Variants in PCGF6 observed in about 807,000 individuals in gnomAD.
The protein encoded by PCGF6 is polycomb group RING finger protein 6.
A neutral mutation model predicts 45.5 loss-of-function variants in PCGF6; 24 were observed. The observed-to-expected ratio is 0.53, with a 90% confidence interval of 0.38 to 0.74. The LOEUF is 0.74. Among genes scored for constraint, PCGF6 ranks in the 30% least tolerant of loss-of-function variants. The probability of loss-of-function intolerance (pLI) is 0.00; values close to 1 mark genes in which losing one functional copy is unlikely to be tolerated. For missense variants in PCGF6, 356 were observed against 443.2 expected (o/e 0.80, Z 1.77); for synonymous variants, 152 against 162.1 (o/e 0.94, Z 0.47).
chr10:103,324,146 C>T (rs2093207983), intron 8 of PCGF6, among the ~76,000 whole-genome samples: 3 of 150,970 alleles, frequency 2.0e-5, no homozygotes, highest in Admixed American at 2.0e-4. Flanking sequence ...ACCGTGTTGG[C>T]CAGGCTGGTC....
chr10:103,321,837 A>G (rs529769767), intron 8 of PCGF6, among the ~76,000 whole-genome samples: 1 of 152,240 alleles, frequency 6.6e-6, no homozygotes, highest in East Asian at 1.9e-4. Flanking sequence ...CCATCCCACA[A>G]TGTATACATA....
intron 8 of PCGF6, among the ~76,000 whole-genome samples, chr10:103,325,284 C>T (rs1412836120): frequency 6.6e-6 from 1 of 152,050 alleles, no homozygotes. Flanking sequence ...GACGGAGTCT[C>T]GCTCTGTCGT....
At chr10:103,349,050 ATTCT>A (rs752609361) in intron 1 of PCGF6, 51 bp from the exon 2 acceptor site, 1 of 1,484,322 alleles carries the variant, frequency 6.7e-7, no homozygotes, top group South Asian at 1.2e-5. Context: ...CCTTTTACAA[ATTCT>A]TTTTTTTTTT....
At chr10:103,347,677 T>G (rs559458682) in intron 3 of PCGF6, among the ~76,000 whole-genome samples, 6 of 152,232 alleles carry the variant, frequency 3.9e-5, no homozygotes, top group African/African-American at 1.4e-4. Context: ...ACTAAACTGT[T>G]TCATGTGCAT....
At chr10:103,314,623 A>C (rs574594647) in intron 8 of PCGF6, among the ~76,000 whole-genome samples, 5 of 152,332 alleles carry the variant, frequency 3.3e-5, no homozygotes, top group African/African-American at 1.2e-4. Flanking sequence ...ATCAGGTAGC[A>C]AAGGAAAGTA....
chr10:103,350,718 C>T lies in PCGF6; in HGVS notation c.349G>A (p.Asp117Asn), dbSNP rs1395408988. The change falls in exon 1 of 10, where the codon GAC becomes AAC. Residue 117 changes from aspartate to asparagine, a missense_variant. Physicochemically the swap from Asp to Asn is conservative, Grantham distance 23. Around this residue, in one of 2 missense-constraint regions of PCGF6, gnomAD observed 307 missense variants for 350.1 expected, o/e 0.88. Coordinates refer to ENST00000369847, the MANE Select transcript of PCGF6 (RefSeq NM_001011663.2). ...RLEGGRQDSE[D>N]EEERLINLSE... ...GGGGCTCTAAATACCTCCTCCTCGT[C>T]CTCCGAGTCCTGCCGGCCTCCCTCC... The T allele has an allele frequency of 3.3e-6, 5 of 1,532,184 alleles. No homozygotes were observed. Among genetic ancestry groups the T allele is most frequent in the African/African-American group, 1.4e-5 (1 of 71,450 alleles). 94.9% of individuals were successfully genotyped at this position (1,532,184 alleles called of 1,614,324 possible).
chr10:103,340,180 GAAAA>G (rs58312332), intron 6 of PCGF6, among the ~76,000 whole-genome samples: 8,657 of 71,888 alleles, frequency 0.12, 530 homozygotes, highest in East Asian at 0.28. Flanking sequence ...CTGTCTCAGG[GAAAA>G]AAAAAAAAAA....
intron 6 of PCGF6, among the ~76,000 whole-genome samples, chr10:103,344,562 C>G (rs909178604): frequency 6.6e-6 from 1 of 151,670 alleles, no homozygotes; most frequent in Non-Finnish European, 1.5e-5. Flanking sequence ...GCCACCATGC[C>G]CAGCCTTTTT....
At chr10:103,332,852 C>T (rs771121683) in intron 7 of PCGF6, among the ~76,000 whole-genome samples, 1 of 152,114 alleles carries the variant, frequency 6.6e-6, no homozygotes, top group Non-Finnish European at 1.5e-5. Flanking sequence ...CAGTGGCTCA[C>T]ACCTGTAATC....
At chr10:103,336,829 C>T (rs750367218) in intron 6 of PCGF6, among the ~76,000 whole-genome samples, 14 of 152,090 alleles carry the variant, frequency 9.2e-5, no homozygotes, top group Admixed American at 2.6e-4. Context: ...GAGCCGAGGT[C>T]GTGCCACTGC....
intron 8 of PCGF6, among the ~76,000 whole-genome samples, chr10:103,326,210 C>T (rs1018387623): frequency 5.9e-5 from 9 of 151,682 alleles, no homozygotes; most frequent in Non-Finnish European, 1.0e-4. Flanking sequence ...ACAGTGAAAC[C>T]CCTTCTCTAC....
intron 6 of PCGF6, among the ~76,000 whole-genome samples, chr10:103,334,599 A>C (rs1483529339): frequency 6.6e-6 from 1 of 152,190 alleles, no homozygotes; most frequent in East Asian, 1.9e-4. Context: ...TTACAATATA[A>C]AATTTCTTAC....
intron 7 of PCGF6, among the ~76,000 whole-genome samples, chr10:103,329,249 A>G (rs2093230917): frequency 6.7e-6 from 1 of 150,118 alleles, no homozygotes; most frequent in East Asian, 2.0e-4. Flanking sequence ...CATATTGGTC[A>G]GGCTGGTCTC....
intron 9 of PCGF6, among the ~76,000 whole-genome samples, chr10:103,313,767 A>G (rs1229321791): frequency 6.6e-6 from 1 of 152,174 alleles, no homozygotes; most frequent in African/African-American, 2.4e-5. Flanking sequence ...TTTTTCTTGA[A>G]ATGTCCTTCT....
chr10:103,350,912 C>A lies in PCGF6; in HGVS notation c.155G>T (p.Gly52Val). 6.6e-7 allele frequency: 1 copy of A among 1,524,444 alleles called. No homozygotes were observed. 94.4% of individuals were successfully genotyped at this position (1,524,444 alleles called of 1,614,324 possible). A position where few individuals can be genotyped will look rare whatever the true frequency, so the allele number is the denominator to read the frequency against. Residue 52 changes from glycine (G) to valine (V), a missense_variant, in exon 1 of 10, where the codon GGG becomes GTG. Physicochemically the swap from Gly to Val is moderately radical, Grantham distance 109. This residue lies in a region of PCGF6 where 307 missense variants were observed against 350.1 expected (regional missense o/e 0.88). Transcript: ENST00000369847. ...EEGPAPLSETGAPGCSGSRPP... is the reference protein window; with the variant it reads ...EEGPAPLSETVAPGCSGSRPP... ...CCGGGAGCCGGAGCAGCCGGGAGCC[C>A]CCGTCTCAGACAGAGGCGCCGGTCC...
intron 6 of PCGF6, among the ~76,000 whole-genome samples, chr10:103,338,731 G>T (rs1006834038): frequency 2.1e-4 from 32 of 151,752 alleles, no homozygotes; most frequent in African/African-American, 7.5e-4. Flanking sequence ...AACCGGGCAT[G>T]GTGGCACACG....
At chr10:103,324,538 CACG>C (rs1283390299) in intron 8 of PCGF6, among the ~76,000 whole-genome samples, 1 of 151,214 alleles carries the variant, frequency 6.6e-6, no homozygotes, top group African/African-American at 2.4e-5. Flanking sequence ...GCGGGAGGAT[CACG>C]AGGTCAGGAG....
chr10:103,325,049 C>T (rs1031649978), intron 8 of PCGF6, among the ~76,000 whole-genome samples: 4 of 151,224 alleles, frequency 2.6e-5, no homozygotes, highest in Admixed American at 1.3e-4. Context: ...GCAGGAGAAT[C>T]GCCTGAACCC....
At chr10:103,349,048 A>G (rs1244074393) in intron 1 of PCGF6, 49 bp from the exon 2 acceptor site, 1 of 1,513,538 alleles carries the variant, frequency 6.6e-7, no homozygotes, top group South Asian at 1.2e-5. Flanking sequence ...TGCCTTTTAC[A>G]AATTCTTTTT....
Sources: gnomAD v4.1 joint callset for allele counts (sites outside exome capture counted in the v4.1 genomes callset) on GRCh38, gnomAD v4.1.1 for gene constraint, gnomAD v4.1.1 regional missense constraint, MANE v1.5 for transcripts, NCBI Gene and HGNC (gene_info 2026-07-23, HGNC 2026-07-21) for gene names.